The following TECTA variants were observed in gnomAD, a reference collection of about 807,000 sequenced individuals.
The protein encoded by TECTA is tectorin alpha.
Under a neutral mutation model 216.8 loss-of-function variants are expected in TECTA, and 128 were observed. That is an observed-to-expected ratio of 0.59 (90% CI 0.51 to 0.68). TECTA has a LOEUF of 0.68. TECTA is among the 30% of genes least tolerant of loss of function. The pLI is 0.00. For missense variants in TECTA, 2,551 were observed against 2,786.2 expected (o/e 0.92, Z 1.90); for synonymous variants, 1,089 against 1,117.1 (o/e 0.97, Z 0.50).
At chr11:121,178,573 C>T (rs1003168764) in intron 20 of TECTA, among the ~76,000 whole-genome samples, 1 of 137,006 alleles carries the variant, frequency 7.3e-6, no homozygotes, top group Non-Finnish European at 1.6e-5. Context: ...GTGTCCTGGT[C>T]TAGTTTTGAT....
intron 10 of TECTA, among the ~76,000 whole-genome samples, chr11:121,133,302 C>T (rs968335742): frequency 1.4e-4 from 21 of 152,106 alleles, no homozygotes; most frequent in Non-Finnish European, 2.5e-4. Flanking sequence ...ACCCGTAAAA[C>T]TTCAGTATGT....
chr11:121,125,520 C>T lies in TECTA; in HGVS notation c.1422C>T (p.Arg474=), dbSNP rs753940282. ...YNKNPLDDFL[R]PDGRPAMSVL... ...AAAACCCACTGGATGACTTCCTCCG[C>T]CCGGATGGCAGGCCGGCCATGTCTG... The change falls in exon 8 of 24, where the codon CGC becomes CGT. Residue 474 remains arginine (R), a synonymous_variant. Coordinates refer to ENST00000392793, the MANE Select transcript of TECTA (RefSeq NM_005422.4). 199 of 1,614,216 alleles carry T rather than the reference C, an allele frequency of 1.2e-4. 2 individuals are homozygous for T. The South Asian group carries it at 1.9e-3, about 16-fold the overall frequency.
At position 121,118,741 on chromosome 11, in the gene TECTA, C is replaced by T. The variant is rs200788005; in HGVS notation, c.1203+23C>T. The T allele has an allele frequency of 1.8e-3, 2,885 of 1,612,582 alleles. 2 individuals carry two copies. Among genetic ancestry groups the T allele is most frequent in the Non-Finnish European group, 1.9e-3 (2,252 of 1,179,946 alleles). ...AAGGTGAGCCCCTTTCTATCCTTCACGGGGAAATGGAGAAGCTGGAGATTC... is the reference window on the plus strand; with the variant it reads ...AAGGTGAGCCCCTTTCTATCCTTCATGGGGAAATGGAGAAGCTGGAGATTC... On this transcript the variant is annotated intron_variant, in intron 7 of 23. Transcript: ENST00000392793.
At chr11:121,178,561 T>TGG (rs1211500015) in intron 20 of TECTA, among the ~76,000 whole-genome samples, 2 of 148,368 alleles carry the variant, frequency 1.3e-5, no homozygotes, top group South Asian at 4.3e-4. Context: ...TGTGTGTGTG[T>TGG]GGTGTCCTGG....
At chr11:121,188,091 T>A in intron 21 of TECTA, 97 bp downstream of exon 21, 1 of 1,346,696 alleles carries the variant, frequency 7.4e-7, no homozygotes, top group Non-Finnish European at 1.1e-6. Context: ...CGGACTGGAA[T>A]CATCCATAGA....
At chr11:121,129,110 A>G (rs947155378) in intron 9 of TECTA, among the ~76,000 whole-genome samples, 2 of 152,260 alleles carry the variant, frequency 1.3e-5, no homozygotes, top group African/African-American at 2.4e-5. Context: ...GCATCCACAA[A>G]CTGGAAGGGA....
At chr11:121,190,598 T>C (rs1339925212) in intron 23 of TECTA, 108 bp from the exon 24 acceptor site, 1 of 865,868 alleles carries the variant, frequency 1.2e-6, no homozygotes, top group East Asian at 2.6e-5. Context: ...AATGGGTTCT[T>C]GGCAATGAAG....
intron 20 of TECTA, among the ~76,000 whole-genome samples, chr11:121,182,931 G>A (rs11218190): frequency 0.21 from 31,961 of 152,152 alleles, 3,778 homozygotes; most frequent in Non-Finnish European, 0.27. Flanking sequence ...CCCCCTGAAG[G>A]TGTATATGGG....
Position 121,105,765 on chromosome 11 carries a change from G to C in TECTA, c.65-66G>C. The C allele has an allele frequency of 6.2e-7, 1 of 1,606,018 alleles. No individual in the cohort carries two copies. The highest frequency in any genetic ancestry group is 8.5e-7 in the Non-Finnish European group (1 of 1,176,194). ...GAAAGAAGCTGGCTTCAGTAGGTAG[G>C]AGAGATGTAGATTGCCAAACGGCAG... On this transcript the variant is annotated intron_variant, in intron 2 of 23. Transcript: ENST00000392793. This position sits in a 1 kb window ranked among gnomAD's most constrained non-coding sequence, Gnocchi z 5.3.
chr11:121,158,025 C>G lies in TECTA; in HGVS notation c.4490C>G (p.Thr1497Ser). 1 of 1,613,022 alleles carries G rather than the reference C, an allele frequency of 6.2e-7. No homozygotes were observed. The highest frequency in any genetic ancestry group is 8.5e-7 in the Non-Finnish European group (1 of 1,179,928). Residue 1497 changes from threonine (T) to serine (S), a missense_variant, in exon 14 of 24, where the codon ACC (threonine) becomes AGC (serine). Thr to Ser is a moderately conservative substitution (Grantham distance 58, BLOSUM62 1). Transcript: ENST00000392793. ...CLAAGGGVFR[T>S]FDGAFLRFPA... ...GCGGCCGGCGGCGGCGTCTTCCGCA[C>G]CTTCGACGGCGCCTTCCTGCGCTTC...
chr11:121,134,192 C>G (rs1946702385), intron 10 of TECTA, among the ~76,000 whole-genome samples: 1 of 152,088 alleles, frequency 6.6e-6, no homozygotes, highest in Non-Finnish European at 1.5e-5. Flanking sequence ...CTGGAATCAG[C>G]TTGACTCCAA....
chr11:121,146,162 G>T (rs1946837080), intron 12 of TECTA, 46 bp downstream of exon 12: 2 of 1,595,500 alleles, frequency 1.3e-6, no homozygotes, highest in East Asian at 2.2e-5. Flanking sequence ...CCTCTTTCTT[G>T]ATTGCTCTGG....
chr11:121,129,509 G>A, intron 9 of TECTA, 129 bp from the exon 10 acceptor site: 1 of 919,994 alleles, frequency 1.1e-6, no homozygotes, highest in South Asian at 1.4e-5. Flanking sequence ...ATCTTTGTGG[G>A]TTCCATCAGC....
chr11:121,109,734 T>C lies in TECTA; in HGVS notation c.486+236T>C, dbSNP rs540670327. On this transcript the variant is annotated intron_variant, in intron 4 of 23. Transcript: ENST00000392793. ...CACCCCTATCACAAATCATCACTAA[T>C]GCCTAAAAAAAAACCCTCAAAAACT... 4.8e-4 allele frequency: 251 copies of C among 528,330 alleles called. 4 individuals carry two copies. The South Asian group carries it at 5.0e-3, about 11-fold the overall frequency. The allele number at this position is 528,330 out of a possible 1,614,324, so 32.7% of individuals were successfully genotyped here.
In TECTA at chr11:121,158,151, T is replaced by G; in HGVS notation, c.4616T>G (p.Leu1539Arg). 6.2e-7 allele frequency: 1 copy of G among 1,614,098 alleles called. No individual in the cohort carries two copies. The highest frequency in any genetic ancestry group is 2.2e-5 in the East Asian group (1 of 44,884). The part of the protein sequence containing the change: ...INFDKWSAPN[L>R]TIISPVYFYI... ...TTCGACAAGTGGTCGGCCCCCAACC[T>G]CACCATCATTTCGCCCGTCTACTTC... The change falls in exon 14 of 24, where the codon CTC (leucine) becomes CGC (arginine). Residue 1539 changes from leucine (L) to arginine (R), a missense_variant. Leu to Arg is a moderately radical substitution (Grantham distance 102, BLOSUM62 -2). This residue lies in a region of TECTA where 2,375 missense variants were observed against 2,563.9 expected (regional missense o/e 0.93). Coordinates refer to ENST00000392793, the MANE Select transcript of TECTA (RefSeq NM_005422.4).
intron 6 of TECTA, among the ~76,000 whole-genome samples, chr11:121,114,600 TCCAC>T (rs200198755): frequency 1.4e-4 from 1 of 7,026 alleles, no homozygotes; most frequent in South Asian, 5.7e-3. Flanking sequence ...CACCCACCCA[TCCAC>T]CCACCCATCC....
At chr11:121,112,992 C>G in intron 4 of TECTA, 80 bp from the exon 5 acceptor site, 1 of 1,581,562 alleles carries the variant, frequency 6.3e-7, no homozygotes, top group Non-Finnish European at 8.6e-7. Context: ...GGGGAGGGCG[C>G]AGGGTGAAGG....
intron 21 of TECTA, among the ~76,000 whole-genome samples, chr11:121,188,737 A>C (rs977629896): frequency 2.6e-5 from 4 of 152,262 alleles, no homozygotes; most frequent in African/African-American, 7.2e-5. Context: ...AGCAACTTAC[A>C]GATGATACTG....
At chr11:121,157,346 C>G (rs889203889) in intron 13 of TECTA, among the ~76,000 whole-genome samples, 2 of 151,986 alleles carry the variant, frequency 1.3e-5, no homozygotes, top group African/African-American at 2.4e-5. Flanking sequence ...GGCTCATACC[C>G]GTAATCCAAG....
Sources: gnomAD v4.1 joint callset for allele counts (sites outside exome capture counted in the v4.1 genomes callset) on GRCh38, gnomAD v4.1.1 for gene constraint, gnomAD v4.1.1 regional missense constraint, Gnocchi (gnomAD v3.1) non-coding constraint, MANE v1.5 for transcripts, NCBI Gene and HGNC (gene_info 2026-07-23, HGNC 2026-07-21) for gene names.